The following SCMH1 variants were observed in gnomAD, a reference collection of about 807,000 sequenced individuals.
The protein encoded by SCMH1 is Scm polycomb group protein homolog 1, also known as polycomb protein SCMH1.
A neutral mutation model predicts 70.8 loss-of-function variants in SCMH1; 37 were observed. That is an observed-to-expected ratio of 0.52 (90% CI 0.40 to 0.69). The LOEUF (loss-of-function observed/expected upper bound fraction) is 0.69, where lower values mean the gene tolerates loss of function less well. Ranked by LOEUF, SCMH1 falls within the 30% of genes least tolerant of loss-of-function variation. SCMH1 has a pLI of 0.00. For synonymous variants in SCMH1, 292 were observed against 307.4 expected (o/e 0.95, Z 0.52); for missense variants, 607 against 827.3 (o/e 0.73, Z 3.27).
intron 8 of SCMH1, among the ~76,000 whole-genome samples, chr1:41,104,684 C>T (rs1667430446): frequency 6.6e-6 from 1 of 152,206 alleles, no homozygotes; most frequent in Admixed American, 6.5e-5. Context: ...CAGTGAACTA[C>T]TGAACTAGTG....
At chr1:41,175,128 T>G (rs1348941350) in intron 2 of SCMH1, among the ~76,000 whole-genome samples, 1 of 152,226 alleles carries the variant, frequency 6.6e-6, no homozygotes, top group East Asian at 1.9e-4. Context: ...TCTGTGGTGG[T>G]ATTTATTGAA....
At chr1:41,045,388 G>A (rs369287216) in intron 12 of SCMH1, among the ~76,000 whole-genome samples, 6 of 152,064 alleles carry the variant, frequency 3.9e-5, no homozygotes, top group East Asian at 1.9e-4. Context: ...TAAGCAATAC[G>A]GATTTGGGTA....
intron 6 of SCMH1, among the ~76,000 whole-genome samples, chr1:41,139,083 T>C (rs1037634403): frequency 6.6e-6 from 1 of 152,182 alleles, no homozygotes; most frequent in African/African-American, 2.4e-5. Flanking sequence ...CTGTCTTTTT[T>C]TCCCTTCAAC....
At chr1:41,058,139 AAAG>A (rs1346753894) in intron 10 of SCMH1, among the ~76,000 whole-genome samples, 75 of 150,152 alleles carry the variant, frequency 5.0e-4, no homozygotes, top group Middle Eastern at 3.4e-3. Flanking sequence ...AAAAAAAGAA[AAAG>A]AAAAAAAATG....
intron 1 of SCMH1, among the ~76,000 whole-genome samples, chr1:41,189,196 C>T (rs1026201157): frequency 6.6e-6 from 1 of 152,150 alleles, no homozygotes; most frequent in African/African-American, 2.4e-5. Context: ...GTTGCTCAGG[C>T]TGGAGTGCAG....
intron 2 of SCMH1, among the ~76,000 whole-genome samples, chr1:41,185,271 CAG>C (rs1456463035): frequency 2.6e-5 from 4 of 152,134 alleles, no homozygotes; most frequent in African/African-American, 7.2e-5. Flanking sequence ...GTCTAGAAGA[CAG>C]AGAGTTACAT....
At chr1:41,182,585 C>A (rs905383779) in intron 2 of SCMH1, among the ~76,000 whole-genome samples, 2 of 151,952 alleles carry the variant, frequency 1.3e-5, no homozygotes, top group Non-Finnish European at 2.9e-5. Context: ...AGGTGTGGAA[C>A]CTGTGATTTC....
exon 9 of SCMH1, chr1:41,075,419 C>A (rs372548251): frequency 1.9e-6 from 3 of 1,613,980 alleles, no homozygotes; most frequent in South Asian, 1.1e-5. Flanking sequence ...GTATTCACAT[C>A]GGAGGCAGGA....
intron 4 of SCMH1, among the ~76,000 whole-genome samples, chr1:41,158,211 G>C (rs957579241): frequency 6.6e-6 from 1 of 152,210 alleles, no homozygotes; most frequent in African/African-American, 2.4e-5. Context: ...AATATTTATA[G>C]TGTGTGTCAA....
intron 1 of SCMH1, among the ~76,000 whole-genome samples, chr1:41,221,893 CAAAAAAAAAAAAAAAAA>C (rs34257855): frequency 2.4e-4 from 11 of 45,058 alleles, no homozygotes; most frequent in Admixed American, 1.3e-3. Flanking sequence ...GACTCCGTCT[CAAAAAAAAAAAAAAAAA>C]AAAAAAAAAA....
rs1262455048 is a variant in SCMH1 at position 41,113,601 on chromosome 1, G to C, written c.502-75C>G. The C allele has an allele frequency of 6.7e-7, 1 of 1,502,182 alleles. No homozygotes were observed. Among genetic ancestry groups the C allele is most frequent in the Non-Finnish European group, 8.9e-7 (1 of 1,123,160 alleles). 93.1% of individuals were successfully genotyped at this position (1,502,182 alleles called of 1,614,324 possible). ...ATGCCAATAGACTACTATCTAATTT[G>C]GATGATTAAAAAGTGACTGCTACAT... On this transcript the variant is annotated intron_variant, in intron 7 of 14. Transcript: ENST00000337495. The surrounding 1 kb of genome is among the most constrained non-coding windows in gnomAD (Gnocchi z 4.3).
intron 5 of SCMH1, among the ~76,000 whole-genome samples, chr1:41,146,649 A>G (rs1644603467): frequency 6.6e-6 from 1 of 152,142 alleles, no homozygotes; most frequent in African/African-American, 2.4e-5. Flanking sequence ...TATGCTGGAC[A>G]GTTTTGTAGC....
At chr1:41,203,706 C>G (rs1654881984) in intron 1 of SCMH1, among the ~76,000 whole-genome samples, 1 of 152,252 alleles carries the variant, frequency 6.6e-6, no homozygotes, top group Non-Finnish European at 1.5e-5. Context: ...TCTTAAGCCA[C>G]AAACAATAGC....
chr1:41,236,338 C>A (rs1662370770), intron 1 of SCMH1, among the ~76,000 whole-genome samples: 1 of 152,208 alleles, frequency 6.6e-6, no homozygotes, highest in South Asian at 2.1e-4. Context: ...AAAAGAGCTA[C>A]AGAGGAAGTA....
chr1:41,218,390 A>C (rs907235649), intron 1 of SCMH1, among the ~76,000 whole-genome samples: 7 of 152,172 alleles, frequency 4.6e-5, no homozygotes, highest in Non-Finnish European at 1.0e-4. Flanking sequence ...CTTAAGAGTT[A>C]AAGACCATAT....
chr1:41,067,642 A>T (rs1655115805), intron 10 of SCMH1, among the ~76,000 whole-genome samples: 2 of 152,214 alleles, frequency 1.3e-5, no homozygotes, highest in African/African-American at 4.8e-5. Context: ...GTTGCCAGGG[A>T]TTAGTGGGGA....
At chr1:41,204,218 A>AT (rs1654998910) in intron 1 of SCMH1, among the ~76,000 whole-genome samples, 1 of 152,128 alleles carries the variant, frequency 6.6e-6, no homozygotes, top group African/African-American at 2.4e-5. Flanking sequence ...TAGGCTTAGG[A>AT]TTTTTCAAGG....
chr1:41,046,766 T>C, intron 11 of SCMH1, 168 bp from the exon 12 acceptor site: 1 of 608,652 alleles, frequency 1.6e-6, no homozygotes, highest in South Asian at 2.1e-5. Flanking sequence ...CTCGAGGGCT[T>C]TGATTTTTGC....
chr1:41,113,514 G>T lies in SCMH1; in HGVS notation c.514C>A (p.Pro172Thr). 6.2e-7 allele frequency: 1 copy of T among 1,613,482 alleles called. No homozygotes were observed. Residue 172 changes from proline to threonine, a missense_variant, in exon 8 of 15, where the codon CCT (proline) becomes ACT (threonine). Physicochemically the swap from Pro to Thr is conservative, Grantham distance 38 (BLOSUM62 -1). Transcript: ENST00000337495. The surrounding 1 kb of genome is among the most constrained non-coding windows in gnomAD (Gnocchi z 4.3). ...CCCATTTTGAAGAAGTTGTGGGAAGGCGATGGTGGCTCCTAGATGAGAAAC... is the reference window on the plus strand; with the variant it reads ...CCCATTTTGAAGAAGTTGTGGGAAGTCGATGGTGGCTCCTAGATGAGAAAC...
Sources: allele counts gnomAD v4.1 joint callset (sites outside exome capture counted in the v4.1 genomes callset), GRCh38; gene constraint gnomAD v4.1.1; non-coding constraint Gnocchi (gnomAD v3.1); transcripts MANE v1.5; gene names NCBI Gene and HGNC (gene_info 2026-07-23, HGNC 2026-07-21).